Variants in AKAP19 observed in about 807,000 individuals in gnomAD.
The protein encoded by AKAP19 is A-kinase anchoring protein 19.
At chr2:190,123,000 C>A in the AKAP19 span, among the ~76,000 whole-genome samples, 1 of 151,882 alleles carries the variant, frequency 6.6e-6, no homozygotes, top group African/African-American at 2.4e-5. Context: ...TTTGTAGAGA[C>A]AAGATCTCGC....
chr2:190,094,767 C>T, the AKAP19 span, among the ~76,000 whole-genome samples: 12 of 152,262 alleles, frequency 7.9e-5, no homozygotes, highest in Non-Finnish European at 1.6e-4. Context: ...GTATTTTGAA[C>T]GATCCTTTCA....
chr2:190,082,400 C>T, the AKAP19 span, among the ~76,000 whole-genome samples: 2 of 152,194 alleles, frequency 1.3e-5, no homozygotes, highest in Non-Finnish European at 2.9e-5. Context: ...AGGCTACAAC[C>T]CTTTATGTGA....
the AKAP19 span, among the ~76,000 whole-genome samples, chr2:190,054,977 G>C: frequency 6.6e-6 from 1 of 152,130 alleles, no homozygotes; most frequent in East Asian, 1.9e-4. Flanking sequence ...CCCATTACTG[G>C]GTGTGTACCC....
chr2:189,997,975 C>T, the AKAP19 span, among the ~76,000 whole-genome samples: 2 of 152,186 alleles, frequency 1.3e-5, no homozygotes, highest in Non-Finnish European at 2.9e-5. Flanking sequence ...GGAGTGCCTA[C>T]AAGCCTCTTC....
chr2:190,163,728 A>G, the AKAP19 span, among the ~76,000 whole-genome samples: 1 of 152,234 alleles, frequency 6.6e-6, no homozygotes, highest in South Asian at 2.1e-4. Flanking sequence ...TAGTAGGAAG[A>G]TAGGGGAAAG....
chr2:190,200,053 C>CT, the AKAP19 span: 5 of 1,614,098 alleles, frequency 3.1e-6, no homozygotes, highest in Non-Finnish European at 4.2e-6. Context: ...TGCACACCGC[C>CT]TGTCTCAGGA....
the AKAP19 span, among the ~76,000 whole-genome samples, chr2:189,961,911 C>CAA: frequency 1.9e-5 from 2 of 104,256 alleles, no homozygotes; most frequent in African/African-American, 3.6e-5. Context: ...GACTCTGTCT[C>CAA]AAAAAAAAAA....
the AKAP19 span, among the ~76,000 whole-genome samples, chr2:189,907,018 T>C: frequency 6.6e-6 from 1 of 152,172 alleles, no homozygotes; most frequent in South Asian, 2.1e-4. Flanking sequence ...GTTGCCCTCA[T>C]CTCTCACCTA....
the AKAP19 span, among the ~76,000 whole-genome samples, chr2:189,975,156 A>G: frequency 6.6e-6 from 1 of 152,030 alleles, no homozygotes; most frequent in East Asian, 1.9e-4. Context: ...TCCTTCAGGA[A>G]CTTTTGTAGG....
At chr2:189,917,340 T>C in the AKAP19 span, 9 of 1,297,878 alleles carry the variant, frequency 6.9e-6, no homozygotes, top group Non-Finnish European at 8.9e-6. Context: ...TTGTTGAATT[T>C]ATAATGCAAT....
the AKAP19 span, among the ~76,000 whole-genome samples, chr2:190,123,373 T>C: frequency 2.6e-5 from 4 of 152,204 alleles, no homozygotes; most frequent in Non-Finnish European, 4.4e-5. Flanking sequence ...ACCTGTGATT[T>C]GTTTGTTTCC....
the AKAP19 span, among the ~76,000 whole-genome samples, chr2:190,154,858 A>G: frequency 6.6e-6 from 1 of 152,206 alleles, no homozygotes; most frequent in Non-Finnish European, 1.5e-5. Flanking sequence ...GCAGGCTGTG[A>G]GGTGGACTGC....
chr2:190,158,286 G>A, the AKAP19 span, among the ~76,000 whole-genome samples: 1 of 152,188 alleles, frequency 6.6e-6, no homozygotes, highest in Non-Finnish European at 1.5e-5. Context: ...ACAACTCAGT[G>A]TCTGAGAGGT....
the AKAP19 span, chr2:190,062,438 T>C: frequency 1.2e-6 from 2 of 1,613,520 alleles, no homozygotes; most frequent in Non-Finnish European, 1.7e-6. Context: ...TAATGGCTTC[T>C]ATTCTTGAAG....
the AKAP19 span, among the ~76,000 whole-genome samples, chr2:190,192,951 G>A: frequency 6.6e-6 from 1 of 152,008 alleles, no homozygotes; most frequent in East Asian, 1.9e-4. Context: ...TTTGTCATCT[G>A]CAAATAATGG....
chr2:190,094,662 G>T, the AKAP19 span, among the ~76,000 whole-genome samples: 5 of 152,300 alleles, frequency 3.3e-5, no homozygotes, highest in Admixed American at 1.3e-4. Context: ...TGCCGGCAAA[G>T]TCTATTGAGC....
the AKAP19 span, chr2:190,057,633 C>T: frequency 2.7e-4 from 436 of 1,612,902 alleles, no homozygotes; most frequent in Non-Finnish European, 3.2e-4. Flanking sequence ...CCTCTAAAAA[C>T]GGATTCTGTT....
At chr2:190,103,628 C>T in the AKAP19 span, among the ~76,000 whole-genome samples, 18 of 152,226 alleles carry the variant, frequency 1.2e-4, no homozygotes, top group East Asian at 2.9e-3. Flanking sequence ...TACATCTAAC[C>T]AAGGAGGTAA....
the AKAP19 span, chr2:189,923,196 A>T: frequency 1.4e-6 from 1 of 725,540 alleles, no homozygotes; most frequent in East Asian, 2.7e-5. Flanking sequence ...ACGAAGACTG[A>T]GCGGTTGCGG....
Sources: gnomAD v4.1 joint callset for allele counts (sites outside exome capture counted in the v4.1 genomes callset) on GRCh38, gnomAD v4.1.1 for gene constraint, MANE v1.5 for transcripts, NCBI Gene and HGNC (gene_info 2026-07-23, HGNC 2026-07-21) for gene names.